The following PRKCH variants were observed in gnomAD, a reference collection of about 807,000 sequenced individuals.
The protein encoded by PRKCH is protein kinase C eta type.
Under a neutral mutation model 82.5 loss-of-function variants are expected in PRKCH, and 28 were observed. The observed-to-expected ratio is 0.34, with a 90% CI of 0.25 to 0.47. The LOEUF (loss-of-function observed/expected upper bound fraction) is 0.47, where lower values mean the gene tolerates loss of function less well. Among genes scored for constraint, PRKCH ranks in the 20% least tolerant of loss-of-function variants. PRKCH has a pLI of 1.00. For synonymous variants in PRKCH, 322 were observed against 327.4 expected (o/e 0.98, Z 0.18); for missense variants, 705 against 881.8 (o/e 0.80, Z 2.54).
intron 1 of PRKCH, among the ~76,000 whole-genome samples, chr14:61,268,671 C>A (rs1009618792): frequency 6.6e-6 from 1 of 151,916 alleles, no homozygotes; most frequent in Non-Finnish European, 1.5e-5. Flanking sequence ...CTGCCCCCTG[C>A]CAAAAAATAT....
At chr14:61,423,822 A>G (rs1279478873) in intron 2 of PRKCH, among the ~76,000 whole-genome samples, 1 of 152,238 alleles carries the variant, frequency 6.6e-6, no homozygotes, top group Non-Finnish European at 1.5e-5. Context: ...TCACCTTATT[A>G]ATGAAGGTCA....
rs774960259 is a variant in PRKCH at position 61,529,066 on chromosome 14, A to T, written c.1434-9A>T. The T allele has an allele frequency of 6.2e-7, 1 of 1,604,970 alleles. No homozygotes were observed. The highest frequency in any genetic ancestry group is 8.5e-7 in the Non-Finnish European group (1 of 1,175,558). On this transcript the variant is annotated splice_polypyrimidine_tract_variant and intron_variant, in intron 10 of 13. Coordinates refer to ENST00000332981, the MANE Select transcript of PRKCH (RefSeq NM_006255.5). The stretch of plus-strand genomic sequence containing the variant: ...TGCCCTATCTCGTGCTGCTCTTTGT[A>T]TCTTTCAGAGATCTGAAACTGGACA...
chr14:61,461,994 A>G (rs1411671742), intron 9 of PRKCH, among the ~76,000 whole-genome samples: 1 of 152,242 alleles, frequency 6.6e-6, no homozygotes, highest in East Asian at 1.9e-4. Flanking sequence ...AACCAAAGGC[A>G]TGGAACTGCC....
chr14:61,360,224 G>T (rs1158605916), intron 1 of PRKCH, among the ~76,000 whole-genome samples: 1 of 152,226 alleles, frequency 6.6e-6, no homozygotes, highest in Non-Finnish European at 1.5e-5. Flanking sequence ...ACTCGAAGAG[G>T]TTGGGTGCAG....
At chr14:61,213,276 A>G (rs1566782878) in intron 1 of PRKCH, among the ~76,000 whole-genome samples, 1 of 152,202 alleles carries the variant, frequency 6.6e-6, no homozygotes, top group Non-Finnish European at 1.5e-5. Context: ...AAGTCAAGGA[A>G]GAGTCTTGGT....
At chr14:61,211,879 A>G (rs765919726) in intron 1 of PRKCH, among the ~76,000 whole-genome samples, 5 of 152,208 alleles carry the variant, frequency 3.3e-5, no homozygotes, top group Non-Finnish European at 5.9e-5. Flanking sequence ...ATGACAAAAA[A>G]TAACCTGCCA....
In PRKCH at chr14:61,210,816, GTGCA is replaced by G. The variant is rs1292882257; in HGVS notation, c.-19+23149_-19+23152del. 6.5e-4 allele frequency among the ~76,000 whole-genome samples: 98 copies of G among 151,692 alleles called. 2 individuals are homozygous for G. In the South Asian group the frequency reaches 0.018, roughly 28 times the overall value. The stretch of plus-strand genomic sequence containing the variant: ...TGTGTGTGTGTGTGTGTGTGTGTGC[GTGCA>G]CGCGTGCATTCCATATTGCCTGGGT... On this transcript the variant is annotated intron_variant, in intron 1 of 3. Transcript: ENST00000555185.
intron 9 of PRKCH, among the ~76,000 whole-genome samples, chr14:61,459,728 CTTT>C (rs1884945367): frequency 6.6e-6 from 1 of 152,152 alleles, no homozygotes; most frequent in Non-Finnish European, 1.5e-5. Context: ...TATTTATAGC[CTTT>C]GAGAGAATTT....
chr14:61,363,113 A>G (rs1043445601), intron 1 of PRKCH, among the ~76,000 whole-genome samples: 2 of 152,244 alleles, frequency 1.3e-5, no homozygotes, highest in African/African-American at 4.8e-5. Flanking sequence ...TATGCTTGCA[A>G]GGGCAAGCCT....
At chr14:61,310,037 C>CA (rs996291686) in intron 1 of PRKCH, among the ~76,000 whole-genome samples, 2 of 152,112 alleles carry the variant, frequency 1.3e-5, no homozygotes, top group African/African-American at 4.8e-5. Flanking sequence ...GAACCGCCCC[C>CA]CCTCCGTGAT....
chr14:61,276,243 AT>A (rs1214469111), intron 1 of PRKCH, among the ~76,000 whole-genome samples: 4 of 152,112 alleles, frequency 2.6e-5, no homozygotes, highest in Non-Finnish European at 4.4e-5. Flanking sequence ...ATTAAAGTTA[AT>A]TTTTTTAAAA....
intron 1 of PRKCH, among the ~76,000 whole-genome samples, chr14:61,309,639 A>G (rs1249957225): frequency 6.6e-6 from 1 of 152,160 alleles, no homozygotes; most frequent in Non-Finnish European, 1.5e-5. Flanking sequence ...GAGAAGAAAA[A>G]TCACCCAAAT....
At chr14:61,218,839 T>C (rs543822475) in intron 1 of PRKCH, among the ~76,000 whole-genome samples, 2 of 152,244 alleles carry the variant, frequency 1.3e-5, no homozygotes, top group African/African-American at 4.8e-5. Context: ...ACTGAGGCTT[T>C]GTAACCCGAT....
intron 12 of PRKCH, 121 bp from the exon 13 acceptor site, chr14:61,547,622 G>C (rs2043275148): frequency 7.7e-7 from 1 of 1,301,854 alleles, no homozygotes; most frequent in Non-Finnish European, 1.0e-6. Context: ...AACCCAGCTA[G>C]TTAAGCAAGA....
intron 10 of PRKCH, among the ~76,000 whole-genome samples, chr14:61,511,672 G>C (rs1054077727): frequency 2.6e-5 from 4 of 152,230 alleles, no homozygotes; most frequent in South Asian, 4.1e-4. Flanking sequence ...GGAAGAGAAG[G>C]CTTGTGCCCT....
At chr14:61,226,682 C>T (rs938158846) in intron 1 of PRKCH, among the ~76,000 whole-genome samples, 1 of 152,178 alleles carries the variant, frequency 6.6e-6, no homozygotes, top group Non-Finnish European at 1.5e-5. Flanking sequence ...AGACAATGGT[C>T]GTTCTCTAAA....
intron 1 of PRKCH, among the ~76,000 whole-genome samples, chr14:61,270,312 T>G (rs1029209119): frequency 6.6e-6 from 1 of 152,014 alleles, no homozygotes. Context: ...CCACAAACAT[T>G]TTTTAAAAAG....
intron 1 of PRKCH, among the ~76,000 whole-genome samples, chr14:61,203,441 T>C (rs1036418682): frequency 3.3e-5 from 5 of 151,998 alleles, no homozygotes; most frequent in Non-Finnish European, 7.4e-5. Flanking sequence ...TCAGGCATGG[T>C]GGAGGGGCTT....
At chr14:61,500,263 G>C (rs77905836) in intron 10 of PRKCH, among the ~76,000 whole-genome samples, 2,100 of 151,740 alleles carry the variant, frequency 0.014, 49 homozygotes, top group East Asian at 0.044. Context: ...GAGTGCAGCG[G>C]TGCAGCTCAC....
Sources: gnomAD v4.1 joint callset for allele counts (sites outside exome capture counted in the v4.1 genomes callset) on GRCh38, gnomAD v4.1.1 for gene constraint, MANE v1.5 for transcripts, NCBI Gene and HGNC (gene_info 2026-07-23, HGNC 2026-07-21) for gene names.